NYNRIN: variants seen among roughly 807,000 people sequenced by gnomAD.
The protein encoded by NYNRIN is NYN domain and retroviral integrase containing.
Under a neutral mutation model 146.6 loss-of-function variants are expected in NYNRIN, and 86 were observed. The ratio of observed to expected loss-of-function variants is 0.59; its 90% confidence interval spans 0.49 to 0.70. NYNRIN has a LOEUF of 0.70. Among genes scored for constraint, NYNRIN ranks in the 30% least tolerant of loss-of-function variants. The pLI is 0.00. For missense variants in NYNRIN, 2,191 were observed against 2,377.7 expected (o/e 0.92, Z 1.63); for synonymous variants, 1,027 against 1,001.3 (o/e 1.03, Z -0.48).
In NYNRIN at chr14:24,415,748, G is replaced by A. The variant is rs752381943; in HGVS notation, c.3999G>A (p.Ser1333=). 33 of 1,613,304 alleles carry A rather than the reference G, an allele frequency of 2.0e-5. No individual in the cohort carries two copies. The highest frequency in any genetic ancestry group is 2.5e-5 in the Non-Finnish European group (30 of 1,179,692). Residue 1333 remains serine (S), a synonymous_variant, in exon 9 of 9, where the codon TCG becomes TCA. Transcript: ENST00000382554. ...CTGGCTTTGGTCTCTATGTTCTATCGCCCACCAGCCCCCCTGTCTCCCTTT... is the reference window on the plus strand; with the variant it reads ...CTGGCTTTGGTCTCTATGTTCTATCACCCACCAGCCCCCCTGTCTCCCTTT... ...WCAGFGLYVL[S]PTSPPVSLSF...
chr14:24,415,761 C>G lies in NYNRIN; in HGVS notation c.4012C>G (p.Pro1338Ala), dbSNP rs757771394. The G allele has an allele frequency of 1.6e-5, 26 of 1,613,864 alleles. No individual in the cohort carries two copies. Among genetic ancestry groups the G allele is most frequent in the Non-Finnish European group, 6.8e-6 (8 of 1,179,880 alleles). ...CTATGTTCTATCGCCCACCAGCCCC[C>G]CTGTCTCCCTTTCCTTCTCCTGCTC... ...GLYVLSPTSPPVSLSFSCSPY... is the reference protein window; with the variant it reads ...GLYVLSPTSPAVSLSFSCSPY... Residue 1338 changes from proline (P) to alanine (A), a missense_variant, in exon 9 of 9, where the codon CCT becomes GCT. Coordinates refer to ENST00000382554, the MANE Select transcript of NYNRIN (RefSeq NM_025081.3).
chr14:24,408,327 G>T lies in NYNRIN; in HGVS notation c.657G>T (p.Glu219Asp). 1 of 1,613,728 alleles carries T rather than the reference G, an allele frequency of 6.2e-7. No individual in the cohort carries two copies. The highest frequency in any genetic ancestry group is 1.3e-5 in the African/African-American group (1 of 75,062). The change falls in exon 3 of 9, where the codon GAG (glutamate) becomes GAT (aspartate). Residue 219 changes from glutamate to aspartate, a missense_variant. Around this residue, in one of 3 missense-constraint regions of NYNRIN, gnomAD observed 895 missense variants for 941.2 expected, o/e 0.95. Transcript: ENST00000382554. ...FGISDSHSDP[E>D]VLICPPQQQK... ...TCTCTGACTCCCACTCCGATCCGGAGGTTCTAATCTGCCCTCCCCAGCAGC... is the reference window on the plus strand; with the variant it reads ...TCTCTGACTCCCACTCCGATCCGGATGTTCTAATCTGCCCTCCCCAGCAGC...
chr14:24,408,826 C>T lies in NYNRIN; in HGVS notation c.1032C>T (p.Cys344=). The change falls in exon 4 of 9, where the codon TGC becomes TGT. Residue 344 remains cysteine, a synonymous_variant. Coordinates refer to ENST00000382554, the MANE Select transcript of NYNRIN (RefSeq NM_025081.3). ...CTCCAGTATCAGCCCTGGGTGTGTG[C>T]CCACCCTGGAAGGCCTGGACCCCGG... ...FQPPVSALGV[C]PPWKAWTPGP... is the part of the protein sequence containing the mutation. 1 of 1,613,982 alleles carries T rather than the reference C, an allele frequency of 6.2e-7. No homozygotes were observed. Among genetic ancestry groups the T allele is most frequent in the South Asian group, 1.1e-5 (1 of 91,074 alleles).
chr14:24,411,727 G>A lies in NYNRIN; in HGVS notation c.2642+277G>A, dbSNP rs1285611273. On this transcript the variant is annotated intron_variant, in intron 6 of 8. Coordinates refer to ENST00000382554, the MANE Select transcript of NYNRIN (RefSeq NM_025081.3). This position sits in a 1 kb window ranked among gnomAD's most constrained non-coding sequence, Gnocchi z 4.3. ...TAGCTAACAGGCATTCTTCCCCCAT[G>A]ACCTGTGAACATCAGAGAGGTTCCC... Among the ~76,000 whole-genome samples, 1 of 152,194 alleles carries A rather than the reference G, an allele frequency of 6.6e-6. No homozygotes were observed. Among genetic ancestry groups the A allele is most frequent in the Non-Finnish European group, 1.5e-5 (1 of 68,028 alleles).
In NYNRIN at chr14:24,399,271, C is replaced by A; in HGVS notation, c.25C>A (p.Pro9Thr). The change falls in exon 2 of 9, where the codon CCG (proline) becomes ACG (threonine). Residue 9 changes from proline to threonine, a missense_variant. By Grantham distance (38) the Pro-to-Thr change is conservative. Coordinates refer to ENST00000382554, the MANE Select transcript of NYNRIN (RefSeq NM_025081.3). MLLSGGDP[P>T]AQEWFMVQTK... ...CATGCTCCTGTCTGGGGGCGATCCT[C>A]CGGCGCAGGAATGGTTCATGGTGCA... 6.2e-7 allele frequency: 1 copy of A among 1,613,916 alleles called. No individual in the cohort carries two copies. Among genetic ancestry groups the A allele is most frequent in the Non-Finnish European group, 8.5e-7 (1 of 1,179,856 alleles).
At position 24,408,656 on chromosome 14, in the gene NYNRIN, G is replaced by C; in HGVS notation, c.862G>C (p.Gly288Arg). The C allele has an allele frequency of 6.3e-7, 1 of 1,597,092 alleles. No homozygotes were observed. The highest frequency in any genetic ancestry group is 1.1e-5 in the South Asian group (1 of 88,166). Residue 288 changes from glycine (G) to arginine (R), a missense_variant, in exon 4 of 9, where the codon GGT (glycine) becomes CGT (arginine). Transcript: ENST00000382554. ...QEAANQLVRV[G>R]SNNQDGMDSA... ...ATGAACTTGGGCTTCCTCCAGGGTC[G>C]GTTCCAACAACCAAGATGGTATGGA...
In NYNRIN at chr14:24,413,333, T is replaced by C; in HGVS notation, c.2762T>C (p.Phe921Ser). ...MVKDRLLPFT[F>S]AGNLFMVPDD... is the part of the protein sequence containing the mutation. ...GGGCCCAGCTTGCTGCCTTTCACCT[T>C]TGCGGGGAATCTCTTCATGGTGCCT... Residue 921 changes from phenylalanine to serine, a missense_variant, in exon 8 of 9, where the codon TTT becomes TCT. Transcript: ENST00000382554. 6.2e-7 allele frequency: 1 copy of C among 1,613,130 alleles called. No homozygotes were observed. The highest frequency in any genetic ancestry group is 8.5e-7 in the Non-Finnish European group (1 of 1,179,538).
Position 24,417,098 on chromosome 14 carries a change from G to A in NYNRIN, c.5349G>A (p.Gly1783=), listed in dbSNP as rs1174350077. 9.3e-6 allele frequency: 15 copies of A among 1,613,646 alleles called. No homozygotes were observed. Among genetic ancestry groups the A allele is most frequent in the Non-Finnish European group, 1.3e-5 (15 of 1,179,740 alleles). The part of the protein sequence containing the change: ...WWEMSSANIE[G]LKMDVFLLQL... ...AGATGAGCAGCGCAAACATTGAAGG[G>A]CTCAAGATGGACGTCTTCCTGCTAC... is the stretch of plus-strand genomic sequence containing the variant. The change falls in exon 9 of 9, where the codon GGG becomes GGA. Residue 1783 remains glycine, a synonymous_variant. Coordinates refer to ENST00000382554, the MANE Select transcript of NYNRIN (RefSeq NM_025081.3).
At chr14:24,406,963 C>T (rs2042878710) in intron 2 of NYNRIN, among the ~76,000 whole-genome samples, 1 of 152,364 alleles carries the variant, frequency 6.6e-6, no homozygotes, top group South Asian at 2.1e-4. Flanking sequence ...GTTCTTCCTT[C>T]TCTTTAGCTA....
Position 24,415,598 on chromosome 14 carries a change from C to T in NYNRIN, c.3849C>T (p.Arg1283=), listed in dbSNP as rs760848928. 1.9e-5 allele frequency: 30 copies of T among 1,613,862 alleles called. No individual in the cohort carries two copies. Among genetic ancestry groups the T allele is most frequent in the Admixed American group, 5.0e-5 (3 of 60,006 alleles). The change falls in exon 9 of 9, where the codon CGC becomes CGT. Residue 1283 remains arginine (R), a synonymous_variant. Transcript: ENST00000382554. ...TCCAGGGCCTGCTGGGGGAGAACCG[C>T]CTGCTCACCCCCGCGGCCTCCATGC... is the stretch of plus-strand genomic sequence containing the variant. The part of the protein sequence containing the change: ...ALLQGLLGEN[R]LLTPAASMPR...
intron 8 of NYNRIN, among the ~76,000 whole-genome samples, chr14:24,413,658 C>T (rs2042926370): frequency 6.6e-6 from 1 of 152,184 alleles, no homozygotes; most frequent in Admixed American, 6.5e-5. Context: ...TCCAAACTGG[C>T]ATTTGTGCTC....
intron 4 of NYNRIN, 90 bp from the exon 5 acceptor site, chr14:24,410,986 T>C (rs2042909229): frequency 8.0e-6 from 12 of 1,508,888 alleles, no homozygotes; most frequent in Admixed American, 1.8e-5. Context: ...TTGGTGTCCT[T>C]GGTGCTGGCA....
intron 2 of NYNRIN, among the ~76,000 whole-genome samples, 173 bp downstream of exon 2, chr14:24,399,617 T>G (rs992963591): frequency 6.6e-6 from 1 of 152,078 alleles, no homozygotes; most frequent in Non-Finnish European, 1.5e-5. Context: ...CAGCCTGCGC[T>G]CCTTCCATGC....
chr14:24,413,101 A>G lies in NYNRIN; in HGVS notation c.2744+3A>G, dbSNP rs2042922460. ...AAGAAACTGATGGTCAAAGATCGGTAAGATGGTCCCCAGAGGCTTGAGCCA... is the reference window on the plus strand; with the variant it reads ...AAGAAACTGATGGTCAAAGATCGGTGAGATGGTCCCCAGAGGCTTGAGCCA... On this transcript the variant is annotated splice_donor_region_variant and intron_variant, in intron 7 of 8. Coordinates refer to ENST00000382554, the MANE Select transcript of NYNRIN (RefSeq NM_025081.3). 2 of 1,573,890 alleles carry G rather than the reference A, an allele frequency of 1.3e-6. No homozygotes were observed. The highest frequency in any genetic ancestry group is 1.7e-6 in the Non-Finnish European group (2 of 1,155,978).
chr14:24,414,514 GGGGTTTCC>G, intron 8 of NYNRIN, 74 bp from the exon 9 acceptor site: 1 of 1,469,296 alleles, frequency 6.8e-7, no homozygotes. Flanking sequence ...ACTTTGGAAT[GGGGTTTCC>G]ACAGAGGTGC....
In NYNRIN at chr14:24,408,116, T is replaced by C. The variant is rs2042887140; in HGVS notation, c.446T>C (p.Leu149Pro). ...CTGCGCTGGGGCCCTGCCCCTCTGC[T>C]GACCCCCCGGGGGATCTGGGAGGCT... The part of the protein sequence containing the change: ...GRLRWGPAPL[L>P]TPRGIWEAEV... Residue 149 changes from leucine to proline, a missense_variant, in exon 3 of 9, where the codon CTG (leucine) becomes CCG (proline). By Grantham distance (98) the Leu-to-Pro change is moderately conservative (BLOSUM62 -3). Around this residue, in one of 3 missense-constraint regions of NYNRIN, gnomAD observed 895 missense variants for 941.2 expected, o/e 0.95. Coordinates refer to ENST00000382554, the MANE Select transcript of NYNRIN (RefSeq NM_025081.3). 2 of 1,611,298 alleles carry C rather than the reference T, an allele frequency of 1.2e-6. No homozygotes were observed. The highest frequency in any genetic ancestry group is 2.2e-5 in the South Asian group (2 of 90,964).
At chr14:24,412,228 T>C (rs2042916719) in intron 6 of NYNRIN, among the ~76,000 whole-genome samples, 1 of 152,212 alleles carries the variant, frequency 6.6e-6, no homozygotes, top group African/African-American at 2.4e-5. Flanking sequence ...CCATTGAGTC[T>C]TCAAGTGCCT....
Position 24,416,890 on chromosome 14 carries a change from CG to C in NYNRIN, c.5142del (p.Ser1715AlafsTer47). The stretch of plus-strand genomic sequence containing the variant: ...CGGGACCTCCAGTTCCCCTGCCTGA[CG>C]AGCTCAGGGGCCTACTGGGAATTCA... ...LSRDLQFPCL[T>X]SSGAYWEFKR... On this transcript the variant is annotated frameshift_variant, in exon 9 of 9. Transcript: ENST00000382554. LOFTEE classifies it high-confidence loss of function. The C allele has an allele frequency of 6.2e-7, 1 of 1,606,682 alleles. No individual in the cohort carries two copies. Among genetic ancestry groups the C allele is most frequent in the Non-Finnish European group, 8.5e-7 (1 of 1,175,716 alleles).
At position 24,408,124 on chromosome 14, in the gene NYNRIN, C is replaced by G. The variant is rs376552671; in HGVS notation, c.454C>G (p.Arg152Gly). ...GGGCCCTGCCCCTCTGCTGACCCCC[C>G]GGGGGATCTGGGAGGCTGAGGTGAC... Reference protein sequence around the residue: ...RWGPAPLLTPRGIWEAEVTRA... With the variant: ...RWGPAPLLTPGGIWEAEVTRA... The change falls in exon 3 of 9, where the codon CGG becomes GGG. Residue 152 changes from arginine (R) to glycine (G), a missense_variant. Arg to Gly is a moderately radical substitution (Grantham distance 125). Coordinates refer to ENST00000382554, the MANE Select transcript of NYNRIN (RefSeq NM_025081.3). The G allele has an allele frequency of 3.1e-6, 5 of 1,609,864 alleles. No individual in the cohort carries two copies. The highest frequency in any genetic ancestry group is 1.7e-4 in the Middle Eastern group (1 of 6,044).
Sources: allele counts gnomAD v4.1 joint callset (sites outside exome capture counted in the v4.1 genomes callset), GRCh38; gene constraint gnomAD v4.1.1; regional missense constraint gnomAD v4.1.1; non-coding constraint Gnocchi (gnomAD v3.1); transcripts MANE v1.5; gene names NCBI Gene and HGNC (gene_info 2026-07-23, HGNC 2026-07-21).